The following EML6 variants were observed in gnomAD, a reference collection of about 807,000 sequenced individuals.
EML6 encodes echinoderm microtubule-associated protein-like 6.
A neutral mutation model predicts 240.1 loss-of-function variants in EML6; 154 were observed. The observed-to-expected ratio is 0.64, with a 90% confidence interval of 0.56 to 0.73. The LOEUF (loss-of-function observed/expected upper bound fraction) is 0.73. Ranked by LOEUF, EML6 falls within the 30% of genes least tolerant of loss-of-function variation. EML6 has a pLI of 0.00. For missense variants in EML6, 2,964 were observed against 2,474.6 expected, an observed-to-expected ratio of 1.20 and a Z score of -4.20; for synonymous variants, 1,148 against 899.0, an observed-to-expected ratio of 1.28 and a Z score of -4.95.
intron 2 of EML6, among the ~76,000 whole-genome samples, chr2:54,769,882 C>T (rs959230136): frequency 2.6e-5 from 4 of 152,158 alleles, no homozygotes; most frequent in African/African-American, 4.8e-5. Context: ...TTGACCAATT[C>T]CTCCCAGTTT....
At chr2:54,801,174 G>C (rs1300959788) in intron 2 of EML6, among the ~76,000 whole-genome samples, 1 of 151,972 alleles carries the variant, frequency 6.6e-6, no homozygotes, top group African/African-American at 2.4e-5. Context: ...CAAAAAATCA[G>C]CCGGGCATGG....
chr2:54,888,560 T>C (rs565170813), intron 17 of EML6, among the ~76,000 whole-genome samples: 1 of 152,230 alleles, frequency 6.6e-6, no homozygotes, highest in South Asian at 2.1e-4. Context: ...ACTAATTTTT[T>C]ACCCATGTTA....
chr2:54,916,675 A>G (rs1372617954), intron 25 of EML6, 84 bp from the exon 26 acceptor site: 1 of 1,097,846 alleles, frequency 9.1e-7, no homozygotes, highest in African/African-American at 1.6e-5. Context: ...AAAGTAATTT[A>G]GAATTACTCA....
At chr2:54,772,309 T>C (rs1295434467) in intron 2 of EML6, among the ~76,000 whole-genome samples, 1 of 152,190 alleles carries the variant, frequency 6.6e-6, no homozygotes, top group African/African-American at 2.4e-5. Flanking sequence ...AGAGAAGTGC[T>C]ATGGAAATAT....
chr2:54,898,909 A>G (rs1437492267), intron 21 of EML6, among the ~76,000 whole-genome samples: 1 of 152,248 alleles, frequency 6.6e-6, no homozygotes, highest in Non-Finnish European at 1.5e-5. Flanking sequence ...TTATAAAAAA[A>G]TACTGCTTTC....
intron 2 of EML6, among the ~76,000 whole-genome samples, chr2:54,750,743 A>G (rs1684124562): frequency 6.6e-6 from 1 of 152,124 alleles, no homozygotes; most frequent in Admixed American, 6.6e-5. Context: ...CTCAGAGGAA[A>G]CAGGGAGCTT....
chr2:54,798,767 T>A (rs1669955132), intron 2 of EML6, among the ~76,000 whole-genome samples: 1 of 152,248 alleles, frequency 6.6e-6, no homozygotes, highest in Non-Finnish European at 1.5e-5. Context: ...TTCCAATCTT[T>A]ATACCTTTTA....
chr2:54,802,780 G>A (rs1017588956), intron 2 of EML6, among the ~76,000 whole-genome samples: 1 of 152,068 alleles, frequency 6.6e-6, no homozygotes, highest in African/African-American at 2.4e-5. Flanking sequence ...ACCCTGTGCT[G>A]AGCGTTCCCA....
At chr2:54,953,603 TTTTGCAGGCCGGGCGGCAGTGGCTCACA>T (rs1456685252) in intron 31 of EML6, among the ~76,000 whole-genome samples, 38 of 152,136 alleles carry the variant, frequency 2.5e-4, no homozygotes, top group African/African-American at 9.2e-4. Flanking sequence ...TAAAAAAGGC[TTTTGCAGGCCGGGCGGCAGTGGCTCACA>T]TTTGTAATCC....
At chr2:54,893,531 C>A (rs1054098469) in intron 19 of EML6, among the ~76,000 whole-genome samples, 1 of 152,206 alleles carries the variant, frequency 6.6e-6, no homozygotes, top group Non-Finnish European at 1.5e-5. Context: ...AGTACTGTTA[C>A]AGAGGCAGTT....
chr2:54,771,618 G>T (rs529646696), intron 2 of EML6, among the ~76,000 whole-genome samples: 1 of 152,344 alleles, frequency 6.6e-6, no homozygotes, highest in East Asian at 1.9e-4. Context: ...TCTATAAAAT[G>T]GTAGCTATCA....
intron 2 of EML6, among the ~76,000 whole-genome samples, chr2:54,737,068 C>G (rs777461172): frequency 6.6e-6 from 1 of 152,086 alleles, no homozygotes; most frequent in Non-Finnish European, 1.5e-5. Flanking sequence ...AGTATTGGGA[C>G]AATTGGTGAA....
intron 39 of EML6, 69 bp from the exon 40 acceptor site, chr2:54,968,059 T>TGATGACTGACTGCAAGGA: frequency 7.0e-7 from 1 of 1,434,320 alleles, no homozygotes; most frequent in Non-Finnish European, 9.6e-7. Context: ...CCCTGGGAGG[T>TGATGACTGACTGCAAGGA]GATGACTGAC....
At chr2:54,961,184 G>GTTTTTTTTTT (rs575621987) in intron 35 of EML6, among the ~76,000 whole-genome samples, 11 of 55,396 alleles carry the variant, frequency 2.0e-4, no homozygotes, top group East Asian at 1.3e-3. Flanking sequence ...TCAGGAAGTA[G>GTTTTTTTTTT]TTTTTTTTTT....
At chr2:54,736,116 A>G (rs1683377900) in intron 2 of EML6, among the ~76,000 whole-genome samples, 1 of 152,184 alleles carries the variant, frequency 6.6e-6, no homozygotes, top group South Asian at 2.1e-4. Flanking sequence ...TGAGGAGGGT[A>G]CGGTGGGAGA....
At chr2:54,864,023 T>G (rs114507864) in intron 13 of EML6, 134 bp downstream of exon 13, 490 of 572,570 alleles carry the variant, frequency 8.6e-4, no homozygotes, top group African/African-American at 7.6e-3. Context: ...TAGTCTACTT[T>G]GTGCCTTTAA....
At chr2:54,949,463 T>G (rs1675862628) in intron 29 of EML6, among the ~76,000 whole-genome samples, 1 of 152,052 alleles carries the variant, frequency 6.6e-6, no homozygotes, top group Admixed American at 6.6e-5. Flanking sequence ...TGAGGGGAGT[T>G]GAGGGAGTTA....
intron 2 of EML6, among the ~76,000 whole-genome samples, chr2:54,796,448 T>C (rs1669778542): frequency 6.6e-6 from 1 of 152,194 alleles, no homozygotes; most frequent in South Asian, 2.1e-4. Context: ...GTGCATTTTT[T>C]TTGAAGTGTA....
intron 34 of EML6, 71 bp from the exon 35 acceptor site, chr2:54,960,149 G>GA (rs776637705): frequency 2.4e-5 from 27 of 1,113,784 alleles, no homozygotes; most frequent in Non-Finnish European, 3.4e-5. Flanking sequence ...GGAAAGAGGG[G>GA]AGAGGGCCGG....
Sources: allele counts gnomAD v4.1 joint callset (sites outside exome capture counted in the v4.1 genomes callset), GRCh38; gene constraint gnomAD v4.1.1; transcripts MANE v1.5; gene names NCBI Gene and HGNC (gene_info 2026-07-23, HGNC 2026-07-21).